TAF4B: variants seen among roughly 807,000 people sequenced by gnomAD.
The protein encoded by TAF4B is transcription initiation factor TFIID subunit 4B.
TAF4B carries 38 observed loss-of-function variants against 86.4 expected under a neutral mutation model. That is an observed-to-expected ratio of 0.44 (90% CI 0.34 to 0.58). The LOEUF is 0.58. TAF4B is among the 20% of genes least tolerant of loss of function. TAF4B has a pLI of 0.02. For synonymous variants in TAF4B, 388 were observed against 391.2 expected, an observed-to-expected ratio of 0.99 and a Z score of 0.10; for missense variants, 988 against 1,027.6, an observed-to-expected ratio of 0.96 and a Z score of 0.53.
intron 13 of TAF4B, 77 bp downstream of exon 13, chr18:26,335,308 G>T (rs772913932): frequency 1.3e-4 from 169 of 1,318,452 alleles, no homozygotes; most frequent in Non-Finnish European, 1.7e-4. Context: ...ATTAGGTCAG[G>T]GTTTATTTTG....
intron 1 of TAF4B, among the ~76,000 whole-genome samples, chr18:26,238,477 G>A (rs1485539728): frequency 1.5e-5 from 2 of 131,048 alleles, no homozygotes; most frequent in East Asian, 2.0e-4. Context: ...CTCTGCAGTC[G>A]GGCTTTGGGC....
At chr18:26,307,518 T>C (rs1019569900) in intron 9 of TAF4B, among the ~76,000 whole-genome samples, 1 of 152,204 alleles carries the variant, frequency 6.6e-6, no homozygotes, top group African/African-American at 2.4e-5. Flanking sequence ...TATTTTTATG[T>C]GATCATTTAT....
intron 13 of TAF4B, among the ~76,000 whole-genome samples, chr18:26,337,424 C>CTTTTT (rs551888808): frequency 1.3e-3 from 165 of 126,082 alleles, no homozygotes; most frequent in East Asian, 4.2e-3. Flanking sequence ...TTCTTTCTTT[C>CTTTTT]TTTTTTTTTT....
rs77799521 is a variant in TAF4B at position 26,390,933 on chromosome 18, A to C, written c.*921A>C. On this transcript the variant is annotated 3_prime_UTR_variant, in exon 15 of 15. Coordinates refer to ENST00000269142, the MANE Select transcript of TAF4B (RefSeq NM_005640.3). ...CAAATTAGAGTATTTCAAAAGGAAA[A>C]TGTTATTTTTTGTTTTGTATTGTTT... 1 of 152,172 alleles carries C rather than the reference A, an allele frequency of 6.6e-6. No individual in the cohort carries two copies. The highest frequency in any genetic ancestry group is 1.5e-5 in the Non-Finnish European group (1 of 68,030). 9.4% of individuals were successfully genotyped at this position (152,172 alleles called of 1,614,324 possible).
intron 13 of TAF4B, among the ~76,000 whole-genome samples, chr18:26,338,874 G>A (rs966803876): frequency 2.0e-5 from 3 of 152,112 alleles, no homozygotes; most frequent in Admixed American, 1.3e-4. Flanking sequence ...AAATGGACAG[G>A]TTTTTATAAA....
intron 1 of TAF4B, among the ~76,000 whole-genome samples, chr18:26,241,643 G>T (rs1007718703): frequency 6.6e-6 from 1 of 151,952 alleles, no homozygotes; most frequent in Admixed American, 6.6e-5. Flanking sequence ...GAATGTGTTT[G>T]CTCTTGCTTC....
In TAF4B at chr18:26,226,841, G is replaced by T; in HGVS notation, c.-93G>T. ...TCTCCCCAGCGATGCTGTGGAACCCGAACCGCACCGGAGTCGGCTGCCGCG... is the reference window on the plus strand; with the variant it reads ...TCTCCCCAGCGATGCTGTGGAACCCTAACCGCACCGGAGTCGGCTGCCGCG... On this transcript the variant is annotated 5_prime_UTR_variant, in exon 1 of 15. Transcript: ENST00000269142. 1 of 1,085,254 alleles carries T rather than the reference G, an allele frequency of 9.2e-7. No homozygotes were observed. Among genetic ancestry groups the T allele is most frequent in the Non-Finnish European group, 1.2e-6 (1 of 827,882 alleles). 67.2% of individuals were successfully genotyped at this position (1,085,254 alleles called of 1,614,324 possible).
rs142996579 is a variant in TAF4B at position 26,262,455 on chromosome 18, G to A, written c.344-2715G>A. 5.5e-3 allele frequency among the ~76,000 whole-genome samples: 830 copies of A among 149,772 alleles called. 7 individuals are homozygous for A. Among genetic ancestry groups the A allele is most frequent in the African/African-American group, 0.017 (672 of 39,932 alleles). ...CAATAACTGTAGTCATTTTCTGCATGCCTTAGGACAGTTTCCAAACACTTT... is the reference window on the plus strand; with the variant it reads ...CAATAACTGTAGTCATTTTCTGCATACCTTAGGACAGTTTCCAAACACTTT... On this transcript the variant is annotated intron_variant, in intron 1 of 14. Transcript: ENST00000269142.
In TAF4B at chr18:26,226,984, G is replaced by A. The variant is rs1376293973; in HGVS notation, c.51G>A (p.Val17=). Residue 17 remains valine, a synonymous_variant, in exon 1 of 15, where the codon GTG becomes GTA. Transcript: ENST00000269142. ...CCGGCGCCGCTCCCCCGGCTGCTGT[G>A]AGCGCCTCGGGGACCGTGACCATGG... ...EPAGAAPPAA[V]SASGTVTMAP... 7.1e-7 allele frequency: 1 copy of A among 1,402,210 alleles called. No individual in the cohort carries two copies. Among genetic ancestry groups the A allele is most frequent in the Non-Finnish European group, 9.2e-7 (1 of 1,090,398 alleles). 86.9% of individuals were successfully genotyped at this position (1,402,210 alleles called of 1,614,324 possible). A position where few individuals can be genotyped will look rare whatever the true frequency, so the allele number is the denominator to read the frequency against.
chr18:26,245,906 G>A (rs1024901390), intron 1 of TAF4B, among the ~76,000 whole-genome samples: 1 of 152,150 alleles, frequency 6.6e-6, no homozygotes, highest in Non-Finnish European at 1.5e-5. Context: ...GATACTGTTT[G>A]CACTACTTTC....
intron 9 of TAF4B, among the ~76,000 whole-genome samples, chr18:26,303,519 T>C (rs1291242568): frequency 2.5e-5 from 1 of 40,762 alleles, no homozygotes; most frequent in Non-Finnish European, 4.5e-5. Flanking sequence ...ACTTTCATCC[T>C]CCCTCCACTT....
At chr18:26,312,611 T>A (rs12457669) in intron 9 of TAF4B, among the ~76,000 whole-genome samples, 33,322 of 152,046 alleles carry the variant, frequency 0.22, 4,335 homozygotes, top group Non-Finnish European at 0.3. Context: ...TAGGTATTGG[T>A]AGTAAGTAGG....
chr18:26,352,699 T>C (rs1465990235), intron 13 of TAF4B, among the ~76,000 whole-genome samples: 1 of 152,082 alleles, frequency 6.6e-6, no homozygotes, highest in Non-Finnish European at 1.5e-5. Context: ...AAGGTTGCAG[T>C]AAGATGAGAT....
chr18:26,346,861 G>GTGTATATA (rs1555623686), intron 13 of TAF4B, among the ~76,000 whole-genome samples: 1 of 17,776 alleles, frequency 5.6e-5, no homozygotes, highest in Non-Finnish European at 1.7e-4. Context: ...ATATATATGT[G>GTGTATATA]TATATATATA....
At chr18:26,382,533 G>C (rs1201409438) in intron 14 of TAF4B, among the ~76,000 whole-genome samples, 1 of 152,050 alleles carries the variant, frequency 6.6e-6, no homozygotes, top group African/African-American at 2.4e-5. Context: ...GAGGTAAGAT[G>C]TTAGAGGGCT....
chr18:26,272,853 A>C (rs1226821827), intron 3 of TAF4B, among the ~76,000 whole-genome samples: 1 of 151,772 alleles, frequency 6.6e-6, no homozygotes, highest in Admixed American at 6.6e-5. Flanking sequence ...AAAGATATGA[A>C]AAGGAGGGAG....
rs181772138 is a variant in TAF4B at position 26,385,002 on chromosome 18, A to G, written c.2422-4843A>G. ...AATTTTGAATGGAATCAGAACGTAG[A>G]CTAGCATGAAGCTACATTACCGTGG... On this transcript the variant is annotated intron_variant, in intron 14 of 14. Coordinates refer to ENST00000269142, the MANE Select transcript of TAF4B (RefSeq NM_005640.3). Among the ~76,000 whole-genome samples the G allele has an allele frequency of 2.5e-4, 38 of 152,280 alleles. 1 individual carries two copies. Among genetic ancestry groups the G allele is most frequent in the Admixed American group, 2.0e-3 (31 of 15,298 alleles).
At chr18:26,234,732 C>T (rs915183922) in intron 1 of TAF4B, among the ~76,000 whole-genome samples, 8 of 152,106 alleles carry the variant, frequency 5.3e-5, no homozygotes, top group African/African-American at 1.7e-4. Context: ...CAGTCATGCT[C>T]GATTGGTTCT....
intron 5 of TAF4B, among the ~76,000 whole-genome samples, chr18:26,278,514 C>T (rs1193657659): frequency 1.3e-5 from 2 of 151,950 alleles, no homozygotes; most frequent in African/African-American, 4.8e-5. Context: ...CACTTTGTTA[C>T]CCAAGCTAGT....
Sources: allele counts gnomAD v4.1 joint callset (sites outside exome capture counted in the v4.1 genomes callset), GRCh38; gene constraint gnomAD v4.1.1; transcripts MANE v1.5; gene names NCBI Gene and HGNC (gene_info 2026-07-23, HGNC 2026-07-21).